EP400: variants seen among roughly 807,000 people sequenced by gnomAD.
EP400 encodes E1A-binding protein p400.
Under a neutral mutation model 354.1 loss-of-function variants are expected in EP400, and 105 were observed. The observed-to-expected ratio is 0.30, with a 90% CI of 0.25 to 0.35. The LOEUF (loss-of-function observed/expected upper bound fraction) is 0.35, where lower values mean the gene tolerates loss of function less well. EP400 is among the 10% of genes least tolerant of loss of function. The probability of loss-of-function intolerance (pLI) is 1.00; values close to 1 mark genes in which losing one functional copy is unlikely to be tolerated. For missense variants in EP400, 3,280 were observed against 4,121.0 expected (o/e 0.80, Z 5.59); for synonymous variants, 1,646 against 1,716.9 (o/e 0.96, Z 1.02).
intron 51 of EP400, 71 bp downstream of exon 51, chr12:132,069,712 G>T: frequency 5.1e-6 from 8 of 1,582,634 alleles, no homozygotes; most frequent in Non-Finnish European, 6.9e-6. Flanking sequence ...TGTGTCTCGC[G>T]GGCTTTGCGA....
chr12:132,067,722 G>A lies in EP400; in HGVS notation c.8874+236G>A, dbSNP rs1002328872. Among the ~76,000 whole-genome samples, 1 of 151,996 alleles carries A rather than the reference G, an allele frequency of 6.6e-6. No individual in the cohort carries two copies. The highest frequency in any genetic ancestry group is 2.4e-5 in the African/African-American group (1 of 41,362). On this transcript the variant is annotated intron_variant, in intron 50 of 52. Coordinates refer to ENST00000389561, the MANE Select transcript of EP400 (RefSeq NM_015409.5). This position sits in a 1 kb window ranked among gnomAD's most constrained non-coding sequence, Gnocchi z 5.3. ...GAGGTCTTGGCAGGGGGATGGAGGG[G>A]GTATAGTCTGTGAGGATGGCTGGGT...
At chr12:131,968,472 T>C (rs892692150) in intron 2 of EP400, among the ~76,000 whole-genome samples, 1 of 152,274 alleles carries the variant, frequency 6.6e-6, no homozygotes. Context: ...GTGATTACTA[T>C]AGCTTTATGT....
Position 132,052,073 on chromosome 12 carries a change from AG to A in EP400, c.7395-1071del, listed in dbSNP as rs1895310813. The stretch of plus-strand genomic sequence containing the variant: ...TTTCCTAGGTTATGATTATAGAGCG[AG>A]GATTATTATAATATTGGAATAAAGA... On this transcript the variant is annotated intron_variant, in intron 41 of 52. Coordinates refer to ENST00000389561, the MANE Select transcript of EP400 (RefSeq NM_015409.5). The surrounding 1 kb of genome is among the most constrained non-coding windows in gnomAD (Gnocchi z 4.4). 6.6e-6 allele frequency among the ~76,000 whole-genome samples: 1 copy of A among 152,222 alleles called. No homozygotes were observed. Among genetic ancestry groups the A allele is most frequent in the Non-Finnish European group, 1.5e-5 (1 of 68,042 alleles).
intron 10 of EP400, among the ~76,000 whole-genome samples, chr12:131,991,757 T>G (rs1893042874): frequency 6.6e-6 from 1 of 151,846 alleles, no homozygotes. Context: ...ATTTTTTTTT[T>G]TTGTATTTTA....
At chr12:131,985,766 G>C in intron 5 of EP400, among the ~76,000 whole-genome samples, 1 of 152,046 alleles carries the variant, frequency 6.6e-6, no homozygotes. Flanking sequence ...GTGCCACCAT[G>C]CCCGGCTAAT....
intron 1 of EP400, among the ~76,000 whole-genome samples, chr12:131,954,915 C>G (rs1891643733): frequency 6.6e-6 from 1 of 151,888 alleles, no homozygotes; most frequent in Non-Finnish European, 1.5e-5. Flanking sequence ...CCCAGCTACT[C>G]AGGAGGCTGA....
intron 47 of EP400, among the ~76,000 whole-genome samples, chr12:132,064,024 AC>A (rs61095317): frequency 0.38 from 29,613 of 76,924 alleles, 7,604 homozygotes; most frequent in African/African-American, 0.72. Flanking sequence ...ACCACTGATG[AC>A]CCCCCCCCGG....
At chr12:131,953,707 G>C (rs1020679294) in intron 1 of EP400, among the ~76,000 whole-genome samples, 1 of 152,172 alleles carries the variant, frequency 6.6e-6, no homozygotes, top group Non-Finnish European at 1.5e-5. Flanking sequence ...TATAGATCTT[G>C]GGTTAGTAGC....
chr12:132,042,691 T>C (rs906688718), intron 32 of EP400, among the ~76,000 whole-genome samples: 1 of 152,240 alleles, frequency 6.6e-6, no homozygotes, highest in Non-Finnish European at 1.5e-5. Flanking sequence ...ATGTCAGATG[T>C]CTTTTGCCCA....
intron 15 of EP400, among the ~76,000 whole-genome samples, chr12:132,009,821 G>A (rs1459085327): frequency 1.4e-5 from 2 of 146,440 alleles, no homozygotes; most frequent in African/African-American, 5.1e-5. Context: ...ATGCCACCAC[G>A]CCTGGCTAAT....
intron 2 of EP400, among the ~76,000 whole-genome samples, chr12:131,964,758 C>T (rs573920319): frequency 1.4e-4 from 22 of 152,162 alleles, no homozygotes; most frequent in Non-Finnish European, 2.6e-4. Flanking sequence ...GTAAATACTT[C>T]AGCATGTATT....
At chr12:132,045,255 C>T in intron 37 of EP400, 64 bp from the exon 38 acceptor site, 1 of 1,587,904 alleles carries the variant, frequency 6.3e-7, no homozygotes, top group Non-Finnish European at 8.6e-7. Context: ...TTTCCTTTGT[C>T]TTTTGCCTGC....
chr12:132,053,191 T>C lies in EP400; in HGVS notation c.7440T>C (p.Ser2480=). 1 of 1,613,978 alleles carries C rather than the reference T, an allele frequency of 6.2e-7. No individual in the cohort carries two copies. Among genetic ancestry groups the C allele is most frequent in the South Asian group, 1.1e-5 (1 of 91,070 alleles). Residue 2480 remains serine, a synonymous_variant, in exon 42 of 53, where the codon TCT becomes TCC. Transcript: ENST00000389561. Reference sequence around the variant, plus strand: ...CGCTGCCTCCCATCCAGGTGGCATCTCTCCGTGCAGAGCGAATCGCAAAAG... The same window carrying C: ...CGCTGCCTCCCATCCAGGTGGCATCCCTCCGTGCAGAGCGAATCGCAAAAG... ...DKPLPPIQVA[S]LRAERIAKEK...
intron 48 of EP400, 165 bp from the exon 49 acceptor site, chr12:132,066,609 C>A: frequency 1.4e-6 from 1 of 712,768 alleles, no homozygotes; most frequent in Non-Finnish European, 2.2e-6. Flanking sequence ...CTTGACATTT[C>A]CCTGCGGCGT....
intron 6 of EP400, among the ~76,000 whole-genome samples, chr12:131,987,314 G>T (rs1350834266): frequency 1.3e-5 from 2 of 152,222 alleles, no homozygotes; most frequent in African/African-American, 2.4e-5. Context: ...ACAGTGATCA[G>T]TATGCAGCTA....
At chr12:132,034,763 C>T (rs960277891) in intron 30 of EP400, among the ~76,000 whole-genome samples, 11 of 152,178 alleles carry the variant, frequency 7.2e-5, no homozygotes, top group Admixed American at 2.0e-4. Flanking sequence ...GCTGCTCCCA[C>T]GCCTGACCAT....
Position 131,950,055 on chromosome 12 carries a change from G to A in EP400, c.-36+19G>A, listed in dbSNP as rs1285181474. 1.3e-5 allele frequency: 2 copies of A among 151,832 alleles called. No homozygotes were observed. Among genetic ancestry groups the A allele is most frequent in the African/African-American group, 4.8e-5 (2 of 41,416 alleles). The allele number at this position is 151,832 out of a possible 1,614,324, so 9.4% of individuals were successfully genotyped here. ...GCCCAGGGTAAGTGAGGGCGGAGGC[G>A]CGGGACGGGGGCGGGAGGCTCTCGG... is the stretch of plus-strand genomic sequence containing the variant. On this transcript the variant is annotated intron_variant, in intron 1 of 52. Coordinates refer to ENST00000389561, the MANE Select transcript of EP400 (RefSeq NM_015409.5).
intron 51 of EP400, among the ~76,000 whole-genome samples, chr12:132,073,687 G>A (rs1020078202): frequency 6.6e-6 from 1 of 151,696 alleles, no homozygotes; most frequent in Non-Finnish European, 1.5e-5. Flanking sequence ...TCCTGACCTC[G>A]TGATGCACCT....
At chr12:131,965,478 G>A (rs1892044496) in intron 2 of EP400, among the ~76,000 whole-genome samples, 1 of 152,064 alleles carries the variant, frequency 6.6e-6, no homozygotes, top group Admixed American at 6.5e-5. Context: ...GTATTTATTT[G>A]CTTATGTTTG....
Sources: gnomAD v4.1 joint callset for allele counts (sites outside exome capture counted in the v4.1 genomes callset) on GRCh38, gnomAD v4.1.1 for gene constraint, Gnocchi (gnomAD v3.1) non-coding constraint, MANE v1.5 for transcripts, NCBI Gene and HGNC (gene_info 2026-07-23, HGNC 2026-07-21) for gene names.